ATP13A5: variants seen among roughly 807,000 people sequenced by gnomAD.
ATP13A5 encodes probable cation-transporting ATPase 13A5.
Under a neutral mutation model 150.2 loss-of-function variants are expected in ATP13A5, and 149 were observed. The observed-to-expected ratio is 0.99, with a 90% CI of 0.87 to 1.14. The LOEUF (loss-of-function observed/expected upper bound fraction) is 1.14, where lower values mean the gene tolerates loss of function less well. Ranked by LOEUF, ATP13A5 falls within the 50% of genes most tolerant of loss-of-function variation. The pLI is 0.00. For missense variants in ATP13A5, 1,383 were observed against 1,449.3 expected (o/e 0.95, Z 0.74); for synonymous variants, 497 against 522.2 (o/e 0.95, Z 0.66).
Position 193,275,268 on chromosome 3 carries a change from A to C in ATP13A5, c.3431T>G (p.Leu1144Trp). Residue 1144 changes from leucine (L) to tryptophan (W), a missense_variant, in exon 30 of 30, where the codon TTG (leucine) becomes TGG (tryptophan). Coordinates refer to ENST00000342358, the MANE Select transcript of ATP13A5 (RefSeq NM_198505.4). ...GTAGAATCCAAATTCTCTTTTGATC[A>C]ACAGCCAGAGTTCATGATTTTGAAG... ...SILQNHELWL[L>W]IKREFGFYSK... The C allele has an allele frequency of 5.0e-6, 8 of 1,613,928 alleles. No individual in the cohort carries two copies. Among genetic ancestry groups the C allele is most frequent in the Non-Finnish European group, 6.8e-6 (8 of 1,180,032 alleles).
chr3:193,317,578 C>A (rs1204365459), intron 17 of ATP13A5, among the ~76,000 whole-genome samples: 2 of 152,034 alleles, frequency 1.3e-5, no homozygotes, highest in Non-Finnish European at 2.9e-5. Context: ...TTTCTACTTC[C>A]CCATTATGAC....
rs200088291 is a variant in ATP13A5, at chr3:193,335,062, C to G, written c.981G>C (p.Gln327His). 2 of 1,613,946 alleles carry G rather than the reference C, an allele frequency of 1.2e-6. No homozygotes were observed. Among genetic ancestry groups the G allele is most frequent in the Admixed American group, 1.7e-5 (1 of 60,020 alleles). ...ATTTCCAAGGCATAGTGTTCTCCATCTGGGGCAATGGTGTCTTTGTAACAG... is the reference window on the plus strand; with the variant it reads ...ATTTCCAAGGCATAGTGTTCTCCATGTGGGGCAATGGTGTCTTTGTAACAG... The part of the protein sequence containing the change: ...SIPVTKTPLP[Q>H]MENTMPWKCH... Residue 327 changes from glutamine to histidine, a missense_variant, in exon 10 of 30, where the codon CAG (glutamine) becomes CAC (histidine). Gln to His is a conservative substitution (Grantham distance 24). Around this residue, in one of 3 missense-constraint regions of ATP13A5, gnomAD observed 787 missense variants for 771.9 expected, o/e 1.02. Transcript: ENST00000342358.
intron 21 of ATP13A5, 84 bp downstream of exon 21, chr3:193,310,554 G>A (rs1433107042): frequency 4.7e-6 from 5 of 1,072,238 alleles, no homozygotes; most frequent in Non-Finnish European, 6.8e-6. Flanking sequence ...TTTAATAATA[G>A]CCATTCTGAC....
chr3:193,353,589 A>G (rs1025489595), intron 6 of ATP13A5, among the ~76,000 whole-genome samples: 1 of 152,164 alleles, frequency 6.6e-6, no homozygotes, highest in Admixed American at 6.5e-5. Flanking sequence ...CTTGGGAGGC[A>G]ATTAGGTTTA....
intron 25 of ATP13A5, among the ~76,000 whole-genome samples, chr3:193,296,612 G>A (rs9291053): frequency 3.8e-4 from 58 of 152,136 alleles, no homozygotes; most frequent in African/African-American, 1.3e-3. Context: ...TTGAAGTCAG[G>A]TAGCATGATG....
chr3:193,310,854 GA>G, intron 20 of ATP13A5, 137 bp from the exon 21 acceptor site: 1 of 559,436 alleles, frequency 1.8e-6, no homozygotes. Context: ...CCAATACCAG[GA>G]AGGGAAATAA....
intron 25 of ATP13A5, among the ~76,000 whole-genome samples, chr3:193,292,447 G>T (rs1460227852): frequency 2.6e-5 from 4 of 152,116 alleles, no homozygotes; most frequent in Non-Finnish European, 5.9e-5. Context: ...CTTCAGAGTG[G>T]TGGGGTGTAT....
chr3:193,376,035 TG>T (rs1465687772), intron 1 of ATP13A5, among the ~76,000 whole-genome samples: 2 of 152,154 alleles, frequency 1.3e-5, no homozygotes, highest in Non-Finnish European at 2.9e-5. Flanking sequence ...GAAGAGCAAG[TG>T]GGGCGAGGCT....
intron 1 of ATP13A5, among the ~76,000 whole-genome samples, chr3:193,370,089 T>G (rs1289695798): frequency 6.6e-6 from 1 of 152,210 alleles, no homozygotes; most frequent in Admixed American, 6.5e-5. Context: ...CACACAGGCT[T>G]GATTTGTATT....
intron 21 of ATP13A5, among the ~76,000 whole-genome samples, chr3:193,308,542 A>G (rs1245301521): frequency 1.3e-5 from 2 of 151,728 alleles, no homozygotes; most frequent in East Asian, 1.9e-4. Context: ...ATCATGCTAT[A>G]TATGTTCATG....
At chr3:193,355,783 A>G (rs1219826636) in intron 5 of ATP13A5, among the ~76,000 whole-genome samples, 1 of 152,192 alleles carries the variant, frequency 6.6e-6, no homozygotes, top group Non-Finnish European at 1.5e-5. Flanking sequence ...AATCTGGGGC[A>G]ATAATCTGTT....
chr3:193,360,980 G>A (rs1712986570), intron 5 of ATP13A5, among the ~76,000 whole-genome samples: 2 of 152,158 alleles, frequency 1.3e-5, no homozygotes, highest in Non-Finnish European at 2.9e-5. Context: ...CCCAGTCATG[G>A]ATCAGATTTA....
chr3:193,323,923 T>C (rs1047838058), intron 14 of ATP13A5: 1 of 152,222 alleles, frequency 6.6e-6, no homozygotes. Flanking sequence ...TTATACATCA[T>C]TGGACACAGC....
At chr3:193,298,415 A>C (rs986744019) in intron 25 of ATP13A5, among the ~76,000 whole-genome samples, 13 of 152,132 alleles carry the variant, frequency 8.5e-5, no homozygotes, top group Non-Finnish European at 1.5e-5. Context: ...GGGTTGATAC[A>C]TAAAACATAT....
chr3:193,322,550 A>C lies in ATP13A5; in HGVS notation c.1699T>G (p.Ser567Ala). 1 of 1,613,176 alleles carries C rather than the reference A, an allele frequency of 6.2e-7. No individual in the cohort carries two copies. The highest frequency in any genetic ancestry group is 8.5e-7 in the Non-Finnish European group (1 of 1,179,270). The change falls in exon 15 of 30, where the codon TCC becomes GCC. Residue 567 changes from serine to alanine, a missense_variant. By Grantham distance (99) the Ser-to-Ala change is moderately conservative. This residue lies in a region of ATP13A5 where 787 missense variants were observed against 771.9 expected (regional missense o/e 1.02). Transcript: ENST00000342358. ...GAAACTGACGTCCCAAATTTGCAGG[A>C]GTCTACAATGCAATCTTCCATTTTC... The part of the protein sequence containing the change: ...AWKMEDCIVD[S>A]CKFGTSVSNI...
At chr3:193,362,731 G>A in intron 3 of ATP13A5, 94 bp from the exon 4 acceptor site, 2 of 1,015,744 alleles carry the variant, frequency 2.0e-6, no homozygotes, top group South Asian at 1.5e-5. Context: ...AGATCCCCTT[G>A]TGGGTCTCAC....
rs905104478 is a variant in ATP13A5, at chr3:193,311,855, G to A, written c.2406C>T (p.Tyr802=). The change falls in exon 20 of 30, where the codon TAC becomes TAT. Residue 802 remains tyrosine, a synonymous_variant. Transcript: ENST00000342358. Reference sequence around the variant, plus strand: ...TGTTGAAATGCTGAAATATCACTTGGTATGATTTCCCACTCATTGCAAAAT... The same window carrying A: ...TGTTGAAATGCTGAAATATCACTTGATATGATTTCCCACTCATTGCAAAAT... ...CYHFAMSGKS[Y]QVIFQHFNSL... 6.2e-7 allele frequency: 1 copy of A among 1,613,716 alleles called. No homozygotes were observed. Among genetic ancestry groups the A allele is most frequent in the Non-Finnish European group, 8.5e-7 (1 of 1,179,860 alleles).
At position 193,299,179 on chromosome 3, in the gene ATP13A5, G is replaced by T. The variant is rs770032307; in HGVS notation, c.2800C>A (p.Gln934Lys). ...YWQLQLFGNY[Q>K]YLMQDVAITL... ...ATGGCTACATCTTGCATGAGATACT[G>T]GTAATTTCCAAAGAGTTGTAGTTGC... is the stretch of plus-strand genomic sequence containing the variant. The change falls in exon 25 of 30, where the codon CAG becomes AAG. Residue 934 changes from glutamine (Q) to lysine (K), a missense_variant. By Grantham distance (53) the Gln-to-Lys change is moderately conservative. Coordinates refer to ENST00000342358, the MANE Select transcript of ATP13A5 (RefSeq NM_198505.4). The T allele has an allele frequency of 1.2e-6, 2 of 1,610,040 alleles. No homozygotes were observed. Among genetic ancestry groups the T allele is most frequent in the South Asian group, 2.2e-5 (2 of 90,208 alleles).
At chr3:193,308,336 G>A (rs1303395049) in intron 21 of ATP13A5, among the ~76,000 whole-genome samples, 1 of 152,060 alleles carries the variant, frequency 6.6e-6, no homozygotes. Context: ...GTGTGCTCCT[G>A]TAATCTCAGC....
Sources: allele counts gnomAD v4.1 joint callset (sites outside exome capture counted in the v4.1 genomes callset), GRCh38; gene constraint gnomAD v4.1.1; regional missense constraint gnomAD v4.1.1; transcripts MANE v1.5; gene names NCBI Gene and HGNC (gene_info 2026-07-23, HGNC 2026-07-21).